The following ALS2 variants were observed in gnomAD, a reference collection of about 807,000 sequenced individuals.
ALS2 encodes alsin Rho guanine nucleotide exchange factor ALS2, also known as alsin.
Under a neutral mutation model 203.4 loss-of-function variants are expected in ALS2, and 117 were observed. The observed-to-expected ratio is 0.58, with a 90% CI of 0.50 to 0.67. The LOEUF is 0.67. Among genes scored for constraint, ALS2 ranks in the 30% least tolerant of loss-of-function variants. The probability of loss-of-function intolerance (pLI) is 0.00; values close to 1 mark genes in which losing one functional copy is unlikely to be tolerated. For missense variants in ALS2, 1,715 were observed against 1,989.4 expected (o/e 0.86, Z 2.62); for synonymous variants, 718 against 725.9 (o/e 0.99, Z 0.17).
intron 12 of ALS2, chr2:201,738,469 C>G (rs1692026776): frequency 1.7e-6 from 1 of 587,266 alleles, no homozygotes; most frequent in Admixed American, 2.9e-5. Context: ...TCATTCAGTA[C>G]TTTTTCAATA....
intron 25 of ALS2, among the ~76,000 whole-genome samples, chr2:201,712,285 T>C (rs1459949031): frequency 1.3e-5 from 2 of 152,206 alleles, no homozygotes; most frequent in Non-Finnish European, 2.9e-5. Context: ...TCCTGAAGTA[T>C]CTTTCAACCT....
At chr2:201,772,357 T>C (rs552846510) in intron 1 of ALS2, among the ~76,000 whole-genome samples, 1 of 152,346 alleles carries the variant, frequency 6.6e-6, no homozygotes, top group South Asian at 2.1e-4. Context: ...CTTACAGGTC[T>C]ACAATACCTT....
chr2:201,757,375 A>G (rs1693461221), intron 5 of ALS2, 27 bp downstream of exon 5: 1 of 1,595,574 alleles, frequency 6.3e-7, no homozygotes, highest in Admixed American at 1.7e-5. Flanking sequence ...CCAAAAGTCA[A>G]TTCACAAAAC....
intron 4 of ALS2, chr2:201,760,627 G>T: frequency 2.4e-6 from 3 of 1,275,212 alleles, no homozygotes; most frequent in Non-Finnish European, 3.0e-6. Context: ...AAAAAAAAAT[G>T]AAATGCTCCT....
intron 3 of ALS2, chr2:201,765,680 T>C (rs949258374): frequency 4.2e-5 from 7 of 167,082 alleles, no homozygotes; most frequent in African/African-American, 1.7e-4. Flanking sequence ...ATTAGTGAAG[T>C]AGATGGCAAT....
Position 201,707,972 on chromosome 2 carries a change from G to T in ALS2, c.4300C>A (p.Pro1434Thr). 1 of 1,612,860 alleles carries T rather than the reference G, an allele frequency of 6.2e-7. No individual in the cohort carries two copies. The highest frequency in any genetic ancestry group is 8.5e-7 in the Non-Finnish European group (1 of 1,179,262). Residue 1434 changes from proline to threonine, a missense_variant, in exon 28 of 34, where the codon CCT becomes ACT. Pro to Thr is a conservative substitution (Grantham distance 38, BLOSUM62 -1). Coordinates refer to ENST00000264276, the MANE Select transcript of ALS2 (RefSeq NM_020919.4). ...AGAGGAATTGTGCTGCCTTCTTCAG[G>T]CAGCTCAGGAAATAAGAACCTAAGG... is the stretch of plus-strand genomic sequence containing the variant. ...QLVRFLFPEL[P>T]EEGSTIPLSA...
At chr2:201,730,296 T>C (rs1301499730) in intron 13 of ALS2, among the ~76,000 whole-genome samples, 1 of 152,128 alleles carries the variant, frequency 6.6e-6, no homozygotes, top group Non-Finnish European at 1.5e-5. Flanking sequence ...CCATCTATGA[T>C]TGTGGATTGG....
intron 12 of ALS2, among the ~76,000 whole-genome samples, chr2:201,737,897 G>A (rs890937857): frequency 2.0e-5 from 3 of 151,886 alleles, no homozygotes; most frequent in East Asian, 1.9e-4. Flanking sequence ...ATTCCAGCCT[G>A]GATGACAGAG....
chr2:201,747,034 A>G (rs911372479), intron 8 of ALS2, among the ~76,000 whole-genome samples: 7 of 152,186 alleles, frequency 4.6e-5, no homozygotes, highest in African/African-American at 1.7e-4. Context: ...TTACTTTTGG[A>G]AGTCTGCACA....
Position 201,704,536 on chromosome 2 carries a change from C to T in ALS2, c.4756G>A (p.Val1586Ile), listed in dbSNP as rs1689583896. The T allele has an allele frequency of 1.2e-6, 2 of 1,613,966 alleles. No homozygotes were observed. The highest frequency in any genetic ancestry group is 1.7e-6 in the Non-Finnish European group (2 of 1,179,978). The change falls in exon 32 of 34, where the codon GTC becomes ATC. Residue 1586 changes from valine (V) to isoleucine (I), a missense_variant. Physicochemically the swap from Val to Ile is conservative, Grantham distance 29. Around this residue, in one of 3 missense-constraint regions of ALS2, gnomAD observed 1,227 missense variants for 1,413.5 expected, o/e 0.87. Coordinates refer to ENST00000264276, the MANE Select transcript of ALS2 (RefSeq NM_020919.4). ...AAGTCTTCGTGGAGTGACGCCAGGA[C>T]ACTCTGAGAGATCTCCTCAAAAGTC... ...QQTFEEISQS[V>I]LASLHEDFLW...
At chr2:201,760,498 A>T in intron 4 of ALS2, 1 of 1,011,856 alleles carries the variant, frequency 9.9e-7, no homozygotes, top group Non-Finnish European at 1.2e-6. Flanking sequence ...TCTCTACAGA[A>T]TTCTGAAGAG....
chr2:201,724,733 GGAA>G (rs1346707545), intron 20 of ALS2, among the ~76,000 whole-genome samples: 1 of 152,006 alleles, frequency 6.6e-6, no homozygotes, highest in African/African-American at 2.4e-5. Context: ...TTTTTAAGAG[GGAA>G]GAATAAAAGT....
intron 24 of ALS2, 121 bp downstream of exon 24, chr2:201,717,940 AAAAATAAAAATAAAAT>A: frequency 2.2e-6 from 2 of 911,176 alleles, no homozygotes; most frequent in Non-Finnish European, 3.1e-6. Context: ...CCCTGTCTCA[AAAAATAAAAATAAAAT>A]AAAATAAAAA....
chr2:201,706,367 C>G (rs1689713517), intron 29 of ALS2, among the ~76,000 whole-genome samples: 1 of 144,184 alleles, frequency 6.9e-6, no homozygotes, highest in Non-Finnish European at 1.5e-5. Context: ...GCCTGCATGA[C>G]AGAGTGAAAC....
At chr2:201,760,073 A>C in intron 4 of ALS2, 217 of 920,318 alleles carry the variant, frequency 2.4e-4, no homozygotes, top group Non-Finnish European at 2.6e-4. Flanking sequence ...CTGTAATCTC[A>C]ACACTTTGGG....
Position 201,741,872 on chromosome 2 carries a change from T to C in ALS2, c.2171-18A>G. 1 of 1,594,814 alleles carries C rather than the reference T, an allele frequency of 6.3e-7. No homozygotes were observed. Among genetic ancestry groups the C allele is most frequent in the Admixed American group, 1.7e-5 (1 of 59,618 alleles). ...CAAATTTTCTATAACAAAATAATGA[T>C]GATGATGACAACACAAACTGAAAAC... On this transcript the variant is annotated intron_variant, in intron 10 of 33. Coordinates refer to ENST00000264276, the MANE Select transcript of ALS2 (RefSeq NM_020919.4).
chr2:201,711,204 A>G, intron 25 of ALS2, 96 bp from the exon 26 acceptor site: 1 of 806,214 alleles, frequency 1.2e-6, no homozygotes, highest in Non-Finnish European at 2.2e-6. Flanking sequence ...GCTCCAGTCA[A>G]AGTGGAGCAT....
chr2:201,730,251 C>A (rs1022281683), intron 13 of ALS2, among the ~76,000 whole-genome samples: 2 of 152,146 alleles, frequency 1.3e-5, no homozygotes, highest in African/African-American at 4.8e-5. Flanking sequence ...CTATCATGCA[C>A]TTTGAATGGG....
At chr2:201,733,856 C>G (rs994793210) in intron 12 of ALS2, among the ~76,000 whole-genome samples, 13 of 152,188 alleles carry the variant, frequency 8.5e-5, no homozygotes, top group Non-Finnish European at 1.5e-4. Context: ...AAGCTCCTTG[C>G]TCCAACAGAA....
Sources: gnomAD v4.1 joint callset for allele counts (sites outside exome capture counted in the v4.1 genomes callset) on GRCh38, gnomAD v4.1.1 for gene constraint, gnomAD v4.1.1 regional missense constraint, MANE v1.5 for transcripts, NCBI Gene and HGNC (gene_info 2026-07-23, HGNC 2026-07-21) for gene names.